Variants in DOCK10 observed in about 807,000 individuals in gnomAD.
DOCK10 encodes the protein dedicator of cytokinesis protein 10.
Under a neutral mutation model 280.1 loss-of-function variants are expected in DOCK10, and 145 were observed. The ratio of observed to expected loss-of-function variants is 0.52; its 90% confidence interval spans 0.45 to 0.59. The LOEUF (loss-of-function observed/expected upper bound fraction) is 0.59. DOCK10 is among the 20% of genes least tolerant of loss of function. DOCK10 has a pLI of 0.00. For synonymous variants in DOCK10, 915 were observed against 942.2 expected (o/e 0.97, Z 0.53); for missense variants, 2,368 against 2,651.7 (o/e 0.89, Z 2.35).
At chr2:224,793,679 A>G (rs561910812) in intron 45 of DOCK10, among the ~76,000 whole-genome samples, 1 of 152,328 alleles carries the variant, frequency 6.6e-6, no homozygotes, top group African/African-American at 2.4e-5. Flanking sequence ...TAGTTTGGAG[A>G]TGGGTGAAGG....
intron 7 of DOCK10, among the ~76,000 whole-genome samples, chr2:224,884,845 T>C (rs1414717821): frequency 6.6e-6 from 1 of 152,208 alleles, no homozygotes; most frequent in East Asian, 1.9e-4. Flanking sequence ...GTTAATACCA[T>C]GTCATTTGCA....
At chr2:225,013,603 A>G (rs916999687) in intron 1 of DOCK10, among the ~76,000 whole-genome samples, 1 of 152,114 alleles carries the variant, frequency 6.6e-6, no homozygotes, top group African/African-American at 2.4e-5. Context: ...CAACCAACCT[A>G]GATTCTCGCA....
Position 224,830,626 on chromosome 2 carries a change from A to AAGGCAACGAGACATTTATT in DOCK10, c.2965-15_2965-14insAATAAATGTCTCGTTGCCT, listed in dbSNP as rs1695163981. 1 of 1,501,378 alleles carries AAGGCAACGAGACATTTATT rather than the reference A, an allele frequency of 6.7e-7. No homozygotes were observed. The highest frequency in any genetic ancestry group is 1.4e-5 in the African/African-American group (1 of 72,570). The allele number at this position is 1,501,378 out of a possible 1,614,324, so 93.0% of individuals were successfully genotyped here. A position where few individuals can be genotyped will look rare whatever the true frequency, so the allele number is the denominator to read the frequency against. On this transcript the variant is annotated splice_polypyrimidine_tract_variant and intron_variant, in intron 26 of 55. Transcript: ENST00000258390. ...GAACCAGGAATGCTGTTGGGAAAAA[A>AAGGCAACGAGACATTTATT]AAGGCAACGAGACATTTATTATCCT...
At chr2:224,917,985 C>T (rs1377039872) in intron 2 of DOCK10, among the ~76,000 whole-genome samples, 5 of 152,176 alleles carry the variant, frequency 3.3e-5, no homozygotes, top group African/African-American at 9.7e-5. Context: ...TCTAGATTAG[C>T]TGTTGGAACA....
At chr2:225,034,860 T>A (rs2106133773) in intron 1 of DOCK10, among the ~76,000 whole-genome samples, 1 of 152,198 alleles carries the variant, frequency 6.6e-6, no homozygotes, top group South Asian at 2.1e-4. Context: ...GGTGGGAGAT[T>A]CTCTGGTAGG....
intron 1 of DOCK10, among the ~76,000 whole-genome samples, chr2:224,991,460 A>AT (rs1392189960): frequency 6.6e-6 from 1 of 152,186 alleles, no homozygotes; most frequent in African/African-American, 2.4e-5. Context: ...CACCATTATC[A>AT]TTATTACAAC....
intron 21 of DOCK10, 44 bp from the exon 22 acceptor site, chr2:224,844,883 G>T: frequency 7.6e-7 from 1 of 1,321,794 alleles, no homozygotes; most frequent in Non-Finnish European, 1.1e-6. Flanking sequence ...CAATTCGAGA[G>T]AAAGAAAATA....
chr2:224,927,436 A>C (rs865817662), intron 2 of DOCK10, among the ~76,000 whole-genome samples: 5 of 152,356 alleles, frequency 3.3e-5, no homozygotes, highest in Middle Eastern at 3.4e-3. Context: ...GGAGCAAAGA[A>C]GAAAGCAGGA....
intron 1 of DOCK10, among the ~76,000 whole-genome samples, chr2:225,014,102 T>G (rs551168033): frequency 0.038 from 5,637 of 147,930 alleles, 425 homozygotes; most frequent in African/African-American, 0.13. Context: ...TTTTTTGTTT[T>G]TTTTTTTAAG....
At chr2:224,830,639 C>G in intron 26 of DOCK10, 27 bp from the exon 27 acceptor site, 1 of 1,404,066 alleles carries the variant, frequency 7.1e-7, no homozygotes, top group Non-Finnish European at 9.7e-7. Context: ...GGCAACGAGA[C>G]ATTTATTATC....
chr2:225,012,793 T>A (rs773891348), intron 1 of DOCK10, among the ~76,000 whole-genome samples: 2 of 152,216 alleles, frequency 1.3e-5, no homozygotes, highest in Non-Finnish European at 2.9e-5. Context: ...AAAATAGGTA[T>A]GATTTTTATT....
At chr2:224,875,101 G>C (rs1698539469) in intron 8 of DOCK10, among the ~76,000 whole-genome samples, 1 of 152,104 alleles carries the variant, frequency 6.6e-6, no homozygotes, top group African/African-American at 2.4e-5. Flanking sequence ...TGGCTCTCAG[G>C]CTATCAATTT....
intron 31 of DOCK10, among the ~76,000 whole-genome samples, chr2:224,811,872 T>C (rs1693807273): frequency 6.6e-6 from 1 of 152,052 alleles, no homozygotes; most frequent in Admixed American, 6.5e-5. Context: ...AGTACCATGC[T>C]GTTTTGGTTA....
chr2:224,833,352 C>T (rs538305109), intron 26 of DOCK10, among the ~76,000 whole-genome samples: 2 of 152,004 alleles, frequency 1.3e-5, no homozygotes, highest in African/African-American at 2.4e-5. Flanking sequence ...GCTCCAGCCA[C>T]AGTGTCCTCC....
Position 224,802,056 on chromosome 2 carries a change from G to A in DOCK10, c.4269-16C>T. The stretch of plus-strand genomic sequence containing the variant: ...GGAGTGCATCCTGAAAACAAAAAAA[G>A]AAAAGTGGTTAGAGTTATTTGGGGA... On this transcript the variant is annotated splice_polypyrimidine_tract_variant and intron_variant, in intron 39 of 55. Coordinates refer to ENST00000258390, the MANE Select transcript of DOCK10 (RefSeq NM_014689.3). 1 of 1,610,374 alleles carries A rather than the reference G, an allele frequency of 6.2e-7. No individual in the cohort carries two copies. The highest frequency in any genetic ancestry group is 8.5e-7 in the Non-Finnish European group (1 of 1,178,306).
chr2:224,898,739 G>A (rs1700131051), intron 3 of DOCK10, among the ~76,000 whole-genome samples: 1 of 152,120 alleles, frequency 6.6e-6, no homozygotes, highest in Admixed American at 6.5e-5. Flanking sequence ...ACCACGCCGG[G>A]CTAATTTTTT....
intron 33 of DOCK10, among the ~76,000 whole-genome samples, chr2:224,806,546 C>CTAT (rs2125220918): frequency 6.6e-6 from 1 of 152,170 alleles, no homozygotes; most frequent in Non-Finnish European, 1.5e-5. Context: ...ATAATTATTA[C>CTAT]CATGAGTTAT....
At chr2:224,943,594 T>A (rs1703214948) in intron 1 of DOCK10, among the ~76,000 whole-genome samples, 1 of 152,166 alleles carries the variant, frequency 6.6e-6, no homozygotes. Flanking sequence ...AATTTATGAG[T>A]ATATCCAAAA....
At chr2:225,026,815 A>G (rs1259100658) in intron 1 of DOCK10, among the ~76,000 whole-genome samples, 1 of 152,178 alleles carries the variant, frequency 6.6e-6, no homozygotes, top group Non-Finnish European at 1.5e-5. Context: ...GTACATCCTA[A>G]CATTAAAAGC....
Sources: gnomAD v4.1 joint callset for allele counts (sites outside exome capture counted in the v4.1 genomes callset) on GRCh38, gnomAD v4.1.1 for gene constraint, MANE v1.5 for transcripts, NCBI Gene and HGNC (gene_info 2026-07-23, HGNC 2026-07-21) for gene names.